The following SLC25A26 variants were observed in gnomAD, a reference collection of about 807,000 sequenced individuals.
The protein encoded by SLC25A26 is mitochondrial S-adenosylmethionine carrier protein.
In SLC25A26, 36 loss-of-function variants were observed where a neutral mutation model predicts 37.8. The ratio of observed to expected loss-of-function variants is 0.95; its 90% CI spans 0.73 to 1.26. The LOEUF (loss-of-function observed/expected upper bound fraction) is 1.26. SLC25A26 is among the 50% of genes most tolerant of loss of function. The pLI, the probability that SLC25A26 is intolerant of heterozygous loss-of-function variation, is 0.00. For missense variants in SLC25A26, 390 were observed against 331.1 expected (o/e 1.18, Z -1.38); for synonymous variants, 129 against 122.5 (o/e 1.05, Z -0.35).
intron 1 of SLC25A26, among the ~76,000 whole-genome samples, chr3:66,143,798 T>C (rs926863612): frequency 6.6e-6 from 1 of 152,152 alleles, no homozygotes; most frequent in African/African-American, 2.4e-5. Context: ...GGAGGGTTGC[T>C]TGAGCTTGGG....
chr3:66,155,788 C>G (rs762253368), intron 1 of SLC25A26, among the ~76,000 whole-genome samples: 17 of 152,186 alleles, frequency 1.1e-4, no homozygotes, highest in Non-Finnish European at 2.4e-4. Flanking sequence ...CTCTCTCGCT[C>G]TCTCCCTACT....
intron 5 of SLC25A26, among the ~76,000 whole-genome samples, chr3:66,276,437 C>G (rs1005721592): frequency 1.3e-5 from 2 of 151,942 alleles, no homozygotes; most frequent in African/African-American, 4.8e-5. Context: ...AGACTTGAAC[C>G]AAATCTTGAC....
At chr3:66,236,782 T>C in intron 2 of SLC25A26, 82 bp downstream of exon 2, 1 of 1,061,280 alleles carries the variant, frequency 9.4e-7, no homozygotes, top group Non-Finnish European at 1.3e-6. Flanking sequence ...CCCCATAGAA[T>C]TCCTTGTGTG....
intron 1 of SLC25A26, among the ~76,000 whole-genome samples, chr3:66,235,978 C>T (rs2072259690): frequency 6.6e-6 from 1 of 152,128 alleles, no homozygotes; most frequent in Non-Finnish European, 1.5e-5. Flanking sequence ...GTGGTGGGAT[C>T]ACATCTCACT....
At chr3:66,362,466 A>T (rs77550575) in intron 6 of SLC25A26, among the ~76,000 whole-genome samples, 2 of 152,372 alleles carry the variant, frequency 1.3e-5, no homozygotes, top group Non-Finnish European at 2.9e-5. Context: ...ACATTCTGGG[A>T]AAGGCATACT....
intron 1 of SLC25A26, among the ~76,000 whole-genome samples, chr3:66,188,904 T>C (rs2070882996): frequency 1.3e-5 from 2 of 151,992 alleles, no homozygotes; most frequent in South Asian, 4.2e-4. Flanking sequence ...CACCCTTACC[T>C]TGAACCTGAC....
chr3:66,219,379 G>T (rs1246826599), upstream of SLC25A26, among the ~76,000 whole-genome samples: 8 of 152,142 alleles, frequency 5.3e-5, no homozygotes, highest in South Asian at 2.1e-4. Context: ...ATGGCAAAAG[G>T]AATTTTTCAG....
chr3:66,245,631 A>G (rs1053195171), intron 3 of SLC25A26, among the ~76,000 whole-genome samples: 12 of 152,220 alleles, frequency 7.9e-5, no homozygotes, highest in African/African-American at 2.7e-4. Context: ...ATTGTGTTAT[A>G]TTGTGAATTT....
chr3:66,152,298 C>G (rs1406281044), intron 1 of SLC25A26, among the ~76,000 whole-genome samples: 1 of 152,156 alleles, frequency 6.6e-6, no homozygotes. Context: ...AGCAATATAA[C>G]ATAGTTGCAA....
At chr3:66,363,217 A>G (rs1196183677) in intron 7 of SLC25A26, among the ~76,000 whole-genome samples, 4 of 152,182 alleles carry the variant, frequency 2.6e-5, no homozygotes, top group Admixed American at 2.6e-4. Flanking sequence ...GATGATTTAT[A>G]AAGTCCTCTG....
chr3:66,185,087 A>T (rs2070799839), intron 1 of SLC25A26, among the ~76,000 whole-genome samples: 1 of 152,030 alleles, frequency 6.6e-6, no homozygotes, highest in South Asian at 2.1e-4. Context: ...CAAAACTGAA[A>T]CTCTGTACCC....
intron 5 of SLC25A26, among the ~76,000 whole-genome samples, chr3:66,305,705 T>C (rs2075200739): frequency 6.6e-6 from 1 of 151,784 alleles, no homozygotes; most frequent in Admixed American, 6.6e-5. Context: ...GAGCATGTGG[T>C]ATTTGGTTTG....
intron 7 of SLC25A26, among the ~76,000 whole-genome samples, chr3:66,363,505 T>A (rs1370410854): frequency 5.3e-5 from 8 of 152,236 alleles, no homozygotes; most frequent in Admixed American, 3.9e-4. Context: ...TACCGTGTTA[T>A]CCATCACTAA....
At chr3:66,363,026 T>C in intron 7 of SLC25A26, 97 bp downstream of exon 7, 1 of 694,140 alleles carries the variant, frequency 1.4e-6, no homozygotes, top group Non-Finnish European at 2.2e-6. Context: ...CATTCCAGGT[T>C]GTTTAGATGA....
intron 1 of SLC25A26, among the ~76,000 whole-genome samples, chr3:66,206,285 C>T (rs2071176213): frequency 6.6e-6 from 1 of 152,194 alleles, no homozygotes; most frequent in Non-Finnish European, 1.5e-5. Context: ...ACTAAAAAAT[C>T]CTACTTTCTC....
intron 1 of SLC25A26, among the ~76,000 whole-genome samples, chr3:66,210,638 G>A (rs1271541113): frequency 1.3e-5 from 2 of 151,868 alleles, no homozygotes; most frequent in Admixed American, 6.6e-5. Flanking sequence ...TCTGTCTCTC[G>A]AGTAGTTGGG....
intron 9 of SLC25A26, chr3:66,371,465 T>A: frequency 7.4e-7 from 1 of 1,350,800 alleles, no homozygotes; most frequent in Non-Finnish European, 9.5e-7. Flanking sequence ...CATCCTAGAT[T>A]GAAATTTTCC....
intron 1 of SLC25A26, among the ~76,000 whole-genome samples, chr3:66,173,523 C>T (rs1339494244): frequency 6.6e-6 from 1 of 152,170 alleles, no homozygotes; most frequent in Non-Finnish European, 1.5e-5. Flanking sequence ...TCTTCACTTA[C>T]TTGAACTTAC....
At chr3:66,219,760 C>T (rs1339515163), upstream of SLC25A26, among the ~76,000 whole-genome samples, 2 of 152,136 alleles carry the variant, frequency 1.3e-5, no homozygotes, top group Non-Finnish European at 2.9e-5. Context: ...ATAACATTAC[C>T]ATCACCTTTA....
Sources: allele counts gnomAD v4.1 joint callset (sites outside exome capture counted in the v4.1 genomes callset), GRCh38; gene constraint gnomAD v4.1.1; transcripts MANE v1.5; gene names NCBI Gene and HGNC (gene_info 2026-07-23, HGNC 2026-07-21).